Variants in TRIM67 observed in about 807,000 individuals in gnomAD.
TRIM67 encodes tripartite motif-containing protein 67.
A neutral mutation model predicts 71.0 loss-of-function variants in TRIM67; 39 were observed. That is an observed-to-expected ratio of 0.55 (90% CI 0.43 to 0.72). The LOEUF (loss-of-function observed/expected upper bound fraction) is 0.72. TRIM67 is among the 30% of genes least tolerant of loss of function. The pLI is 0.00. For synonymous variants in TRIM67, 481 were observed against 473.9 expected (o/e 1.01, Z -0.19); for missense variants, 973 against 1,079.2 (o/e 0.90, Z 1.38).
rs1467997892 is a variant in TRIM67, at chr1:231,217,681, G to A, written c.*2241G>A. ...GCAGCTTCTCACAGGGGAGCCCTGGGGAAGGCTGTGGAGCCTCCACCATCA... is the reference window on the plus strand; with the variant it reads ...GCAGCTTCTCACAGGGGAGCCCTGGAGAAGGCTGTGGAGCCTCCACCATCA... On this transcript the variant is annotated 3_prime_UTR_variant, in exon 10 of 10. Coordinates refer to ENST00000366653, the MANE Select transcript of TRIM67 (RefSeq NM_001004342.5). 1 of 1,180,828 alleles carries A rather than the reference G, an allele frequency of 8.5e-7. No individual in the cohort carries two copies. Among genetic ancestry groups the A allele is most frequent in the Non-Finnish European group, 1.1e-6 (1 of 934,924 alleles). The allele number at this position is 1,180,828 out of a possible 1,614,324, so 73.1% of individuals were successfully genotyped here. A position where few individuals can be genotyped will look rare whatever the true frequency, so the allele number is the denominator to read the frequency against.
intron 6 of TRIM67, among the ~76,000 whole-genome samples, chr1:231,205,701 G>A (rs2102756714): frequency 6.6e-6 from 1 of 150,764 alleles, no homozygotes; most frequent in Non-Finnish European, 1.5e-5. Flanking sequence ...ACTCCAGCCT[G>A]GGTGACAGAG....
intron 1 of TRIM67, among the ~76,000 whole-genome samples, chr1:231,166,143 C>A (rs2236063): frequency 0.079 from 11,965 of 152,252 alleles, 642 homozygotes; most frequent in East Asian, 0.26. Flanking sequence ...TTTGCCCCCT[C>A]GAGTGGGCAG....
chr1:231,192,228 G>C (rs993198184), intron 1 of TRIM67, among the ~76,000 whole-genome samples: 1 of 151,820 alleles, frequency 6.6e-6, no homozygotes, highest in East Asian at 1.9e-4. Flanking sequence ...CTCTGTCTTT[G>C]ATACAGGGTC....
At position 231,209,393 on chromosome 1, in the gene TRIM67, A is replaced by G; in HGVS notation, c.2123+143A>G. 1.1e-6 allele frequency: 1 copy of G among 947,966 alleles called. No individual in the cohort carries two copies. The highest frequency in any genetic ancestry group is 1.5e-6 in the Non-Finnish European group (1 of 659,370). 58.7% of individuals were successfully genotyped at this position (947,966 alleles called of 1,614,324 possible). A position where few individuals can be genotyped will look rare whatever the true frequency, so the allele number is the denominator to read the frequency against. On this transcript the variant is annotated intron_variant, in intron 8 of 9. Transcript: ENST00000366653. The surrounding 1 kb of genome is among the most constrained non-coding windows in gnomAD (Gnocchi z 4.1). ...TCAGCCACTTTGGTCTCCATTTTCT[A>G]GGAGGCCTTCACTCTGCCCATATAG... is the stretch of plus-strand genomic sequence containing the variant.
intron 9 of TRIM67, 68 bp from the exon 10 acceptor site, chr1:231,215,307 G>A: frequency 1.0e-5 from 16 of 1,562,180 alleles, no homozygotes; most frequent in Non-Finnish European, 1.3e-5. Flanking sequence ...TGTCTGCGGT[G>A]CTGTCAGAGC....
intron 7 of TRIM67, among the ~76,000 whole-genome samples, chr1:231,208,183 T>C (rs1285320328): frequency 1.3e-5 from 2 of 151,608 alleles, no homozygotes; most frequent in African/African-American, 4.8e-5. Flanking sequence ...GAATTTTTTT[T>C]TTTTTTTTGA....
At chr1:231,180,462 C>T (rs1223132246) in intron 1 of TRIM67, among the ~76,000 whole-genome samples, 1 of 152,138 alleles carries the variant, frequency 6.6e-6, no homozygotes, top group Non-Finnish European at 1.5e-5. Flanking sequence ...AGAACAACTT[C>T]ATTCTTACCT....
At chr1:231,195,631 C>T (rs375376180) in intron 1 of TRIM67, among the ~76,000 whole-genome samples, 2 of 152,344 alleles carry the variant, frequency 1.3e-5, no homozygotes, top group South Asian at 4.1e-4. Context: ...CCTCTCCTTG[C>T]GTGCTGGTGC....
chr1:231,185,218 G>A (rs1233543136), intron 1 of TRIM67: 3 of 1,532,858 alleles, frequency 2.0e-6, no homozygotes, highest in Admixed American at 2.0e-5. Context: ...GATTCCCAGA[G>A]CCTTTATCTG....
chr1:231,175,363 G>C (rs1017897504), intron 1 of TRIM67, among the ~76,000 whole-genome samples: 1 of 152,238 alleles, frequency 6.6e-6, no homozygotes, highest in Non-Finnish European at 1.5e-5. Flanking sequence ...ATCTCAGGAA[G>C]TGTGAGAGGT....
At chr1:231,205,036 C>T (rs1683657772) in intron 6 of TRIM67, among the ~76,000 whole-genome samples, 1 of 152,148 alleles carries the variant, frequency 6.6e-6, no homozygotes, top group African/African-American at 2.4e-5. Context: ...GCAAATCAGC[C>T]AAGAACTGAA....
intron 1 of TRIM67, among the ~76,000 whole-genome samples, chr1:231,196,492 C>G (rs1348822475): frequency 2.0e-5 from 3 of 151,484 alleles, no homozygotes; most frequent in Non-Finnish European, 4.4e-5. Flanking sequence ...GGGAGGATCA[C>G]TTGAGCCTGA....
chr1:231,200,481 T>A (rs1055602376), intron 4 of TRIM67, among the ~76,000 whole-genome samples: 1 of 152,200 alleles, frequency 6.6e-6, no homozygotes, highest in African/African-American at 2.4e-5. Flanking sequence ...AATGACATCA[T>A]CTCTAGGCCT....
intron 1 of TRIM67, among the ~76,000 whole-genome samples, chr1:231,166,456 G>A (rs1043218130): frequency 6.6e-6 from 1 of 152,174 alleles, no homozygotes; most frequent in African/African-American, 2.4e-5. Flanking sequence ...TGTGAGGGTG[G>A]CTACTTTTGA....
At chr1:231,198,814 G>C (rs772342720) in intron 2 of TRIM67, among the ~76,000 whole-genome samples, 1 of 152,116 alleles carries the variant, frequency 6.6e-6, no homozygotes, top group Non-Finnish European at 1.5e-5. Flanking sequence ...GGCATTAAAA[G>C]TGCCCTATGA....
chr1:231,218,396 T>C lies in TRIM67; in HGVS notation c.*2956T>C. The C allele has an allele frequency of 1.0e-6, 1 of 986,408 alleles. No homozygotes were observed. The highest frequency in any genetic ancestry group is 1.2e-6 in the Non-Finnish European group (1 of 830,576). 61.1% of individuals were successfully genotyped at this position (986,408 alleles called of 1,614,324 possible). A position where few individuals can be genotyped will look rare whatever the true frequency, so the allele number is the denominator to read the frequency against. On this transcript the variant is annotated 3_prime_UTR_variant, in exon 10 of 10. Coordinates refer to ENST00000366653, the MANE Select transcript of TRIM67 (RefSeq NM_001004342.5). ...AGTAGTTTAAAAATGTCGAGTTCCA[T>C]TGCATTGTAAATAGTGCCTCTGTAA... is the stretch of plus-strand genomic sequence containing the variant.
At chr1:231,202,304 G>A (rs1558304345) in intron 5 of TRIM67, among the ~76,000 whole-genome samples, 1 of 126,306 alleles carries the variant, frequency 7.9e-6, no homozygotes. Flanking sequence ...AGTGGTGGTG[G>A]TGGTGCAGGA....
intron 1 of TRIM67, among the ~76,000 whole-genome samples, chr1:231,169,993 C>CTTTTTTTTTTTTTTTTTTTT (rs369558747): frequency 0.012 from 1,644 of 134,874 alleles, 95 homozygotes; most frequent in African/African-American, 0.034. Flanking sequence ...TTCTTTCTCT[C>CTTTTTTTTTTTTTTTTTTTT]TTTTTTTTTT....
chr1:231,215,890 C>T lies in TRIM67; in HGVS notation c.*450C>T, dbSNP rs142721967. Reference sequence around the variant, plus strand: ...GTGTTGGCCCTCCGTGGGGACCTTGCCTCCTCAGAGTCCCGAGATTGCAGA... The same window carrying T: ...GTGTTGGCCCTCCGTGGGGACCTTGTCTCCTCAGAGTCCCGAGATTGCAGA... On this transcript the variant is annotated 3_prime_UTR_variant, in exon 10 of 10. Coordinates refer to ENST00000366653, the MANE Select transcript of TRIM67 (RefSeq NM_001004342.5). 8.3e-4 allele frequency: 828 copies of T among 994,978 alleles called. 6 individuals carry two copies. The African/African-American group carries it at 0.014, about 17-fold the overall frequency. The allele number at this position is 994,978 out of a possible 1,614,324, so 61.6% of individuals were successfully genotyped here.
Sources: gnomAD v4.1 joint callset for allele counts (sites outside exome capture counted in the v4.1 genomes callset) on GRCh38, gnomAD v4.1.1 for gene constraint, Gnocchi (gnomAD v3.1) non-coding constraint, MANE v1.5 for transcripts, NCBI Gene and HGNC (gene_info 2026-07-23, HGNC 2026-07-21) for gene names.